The following CCSER1 variants were observed in gnomAD, a reference collection of about 807,000 sequenced individuals.
The protein encoded by CCSER1 is coiled-coil serine rich protein 1, also known as serine-rich coiled-coil domain-containing protein 1.
CCSER1 carries 41 observed loss-of-function variants against 82.0 expected under a neutral mutation model. The observed-to-expected ratio is 0.50, with a 90% CI of 0.39 to 0.65. The LOEUF is 0.65. Among genes scored for constraint, CCSER1 ranks in the 30% least tolerant of loss-of-function variants. CCSER1 has a pLI of 0.00. For synonymous variants in CCSER1, 414 were observed against 383.9 expected (o/e 1.08, Z -0.92); for missense variants, 1,119 against 1,064.2 (o/e 1.05, Z -0.72).
chr4:90,448,559 T>G (rs565047110), intron 4 of CCSER1, among the ~76,000 whole-genome samples: 1 of 150,078 alleles, frequency 6.7e-6, no homozygotes, highest in East Asian at 2.0e-4. Flanking sequence ...ATTTTAACTA[T>G]CACTCCCTTG....
intron 10 of CCSER1, among the ~76,000 whole-genome samples, chr4:91,230,589 A>G (rs1263665869): frequency 6.6e-6 from 1 of 152,056 alleles, no homozygotes; most frequent in Non-Finnish European, 1.5e-5. Flanking sequence ...TAATATATAC[A>G]TGATTTGTGC....
chr4:90,739,828 T>C (rs1746249520), intron 7 of CCSER1, among the ~76,000 whole-genome samples: 1 of 152,202 alleles, frequency 6.6e-6, no homozygotes, highest in Non-Finnish European at 1.5e-5. Flanking sequence ...GGTGGCTGAC[T>C]ACTGCTAGGA....
chr4:90,292,376 A>G (rs909713745), intron 1 of CCSER1, among the ~76,000 whole-genome samples: 2 of 151,970 alleles, frequency 1.3e-5, no homozygotes, highest in Non-Finnish European at 2.9e-5. Flanking sequence ...ATGTTTTAAT[A>G]AATCAGAGGG....
rs553793637 is a variant in CCSER1, at chr4:91,202,934, A to G, written c.2217+116940A>G. Among the ~76,000 whole-genome samples the G allele has an allele frequency of 7.9e-5, 12 of 151,028 alleles. No homozygotes were observed. In the East Asian group the frequency reaches 2.2e-3, roughly 27 times the overall value. ...ATCTTATTAATATGTTCTTTAAAGT[A>G]TTTAAAGATTTTATGTTGTTGTTAA... is the stretch of plus-strand genomic sequence containing the variant. On this transcript the variant is annotated intron_variant, in intron 10 of 10. Transcript: ENST00000509176.
chr4:90,132,744 C>T (rs187967663), intron 1 of CCSER1, among the ~76,000 whole-genome samples: 1 of 152,294 alleles, frequency 6.6e-6, no homozygotes, highest in Admixed American at 6.5e-5. Context: ...ATTCCTGGCC[C>T]TATACCTGGA....
At chr4:90,626,569 A>C (rs1560837173) in intron 5 of CCSER1, among the ~76,000 whole-genome samples, 1 of 152,194 alleles carries the variant, frequency 6.6e-6, no homozygotes, top group African/African-American at 2.4e-5. Context: ...TATAACTGTA[A>C]GTATACTGTT....
chr4:90,563,001 A>T (rs1778963379), intron 5 of CCSER1, among the ~76,000 whole-genome samples: 1 of 152,010 alleles, frequency 6.6e-6, no homozygotes, highest in African/African-American at 2.4e-5. Flanking sequence ...ATTGAATTTC[A>T]TGCCCTTCTG....
At chr4:91,319,110 G>T in intron 10 of CCSER1, 1 of 278,508 alleles carries the variant, frequency 3.6e-6, no homozygotes. Context: ...AAGACAGACG[G>T]TATCAGCTTC....
At chr4:90,133,926 T>C (rs553203512) in intron 1 of CCSER1, among the ~76,000 whole-genome samples, 1 of 152,336 alleles carries the variant, frequency 6.6e-6, no homozygotes, top group East Asian at 1.9e-4. Context: ...ATTCTGAGAA[T>C]GTTTTATTTT....
At chr4:90,778,527 T>TAAA (rs35328489) in intron 7 of CCSER1, among the ~76,000 whole-genome samples, 59,654 of 143,060 alleles carry the variant, frequency 0.42, 12,547 homozygotes, top group East Asian at 0.5. Context: ...ATGCATTTCT[T>TAAA]AAAAAAAAAA....
intron 10 of CCSER1, among the ~76,000 whole-genome samples, chr4:91,336,378 T>A (rs1322567630): frequency 6.6e-6 from 1 of 152,138 alleles, no homozygotes; most frequent in Non-Finnish European, 1.5e-5. Context: ...ACAGAACTGG[T>A]CAATAAAGTC....
At chr4:91,231,698 A>T (rs1278338714) in intron 10 of CCSER1, among the ~76,000 whole-genome samples, 5 of 151,792 alleles carry the variant, frequency 3.3e-5, no homozygotes, top group Non-Finnish European at 5.9e-5. Flanking sequence ...TTATATATAT[A>T]AAGTTACGTA....
intron 10 of CCSER1, among the ~76,000 whole-genome samples, chr4:91,477,292 A>C (rs2110032399): frequency 6.6e-6 from 1 of 151,854 alleles, no homozygotes; most frequent in South Asian, 2.1e-4. Flanking sequence ...AAGACATGTC[A>C]CATTGTTTTC....
At chr4:91,527,834 T>C (rs1760839660) in intron 10 of CCSER1, among the ~76,000 whole-genome samples, 1 of 152,182 alleles carries the variant, frequency 6.6e-6, no homozygotes, top group Admixed American at 6.6e-5. Flanking sequence ...TCTAGCGCTA[T>C]TGATACAGAC....
At chr4:90,936,633 T>C (rs1235035654) in intron 9 of CCSER1, among the ~76,000 whole-genome samples, 2 of 152,142 alleles carry the variant, frequency 1.3e-5, no homozygotes, top group Non-Finnish European at 2.9e-5. Flanking sequence ...AATTAAAAAG[T>C]GGATCTGGGT....
In CCSER1 at chr4:91,310,824, T is replaced by G. The variant is rs914854444; in HGVS notation, c.2217+224830T>G. ...TGGCCCAATACAAATTCATAAACTT[T>G]CTTAAAACATTCTGAGACTTTTTTT... On this transcript the variant is annotated intron_variant, in intron 10 of 10. Coordinates refer to ENST00000509176, the MANE Select transcript of CCSER1 (RefSeq NM_001145065.2). Among the ~76,000 whole-genome samples, 6 of 152,038 alleles carry G rather than the reference T, an allele frequency of 3.9e-5. No individual in the cohort carries two copies. In the South Asian group the frequency reaches 8.3e-4, roughly 21 times the overall value.
chr4:91,085,880 A>G, intron 9 of CCSER1, 70 bp from the exon 10 acceptor site: 2 of 861,246 alleles, frequency 2.3e-6, no homozygotes, highest in Admixed American at 4.7e-5. Flanking sequence ...TTTCAAAATT[A>G]TTGCACTAAT....
intron 1 of CCSER1, among the ~76,000 whole-genome samples, chr4:90,224,432 A>G (rs904125723): frequency 6.6e-6 from 1 of 152,242 alleles, no homozygotes; most frequent in Non-Finnish European, 1.5e-5. Flanking sequence ...AGGCTTAAGT[A>G]GAAAACTGCT....
At chr4:91,450,312 A>C (rs1440431368) in intron 10 of CCSER1, among the ~76,000 whole-genome samples, 1 of 152,214 alleles carries the variant, frequency 6.6e-6, no homozygotes, top group African/African-American at 2.4e-5. Flanking sequence ...AAACCATCAA[A>C]ACAAGCATGA....
Sources: allele counts gnomAD v4.1 joint callset (sites outside exome capture counted in the v4.1 genomes callset), GRCh38; gene constraint gnomAD v4.1.1; transcripts MANE v1.5; gene names NCBI Gene and HGNC (gene_info 2026-07-23, HGNC 2026-07-21).